Variants in FBRSL1 observed in about 807,000 individuals in gnomAD.
FBRSL1 encodes fibrosin-1-like protein.
Under a neutral mutation model 89.6 loss-of-function variants are expected in FBRSL1, and 51 were observed. The observed-to-expected ratio is 0.57, with a 90% confidence interval of 0.45 to 0.72. The LOEUF is 0.72. Ranked by LOEUF, FBRSL1 falls within the 30% of genes least tolerant of loss-of-function variation. The pLI, the probability that FBRSL1 is intolerant of heterozygous loss-of-function variation, is 0.00. For synonymous variants in FBRSL1, 779 were observed against 681.1 expected (o/e 1.14, Z -2.24); for missense variants, 1,618 against 1,451.8 (o/e 1.11, Z -1.86).
intron 9 of FBRSL1, chr12:132,571,637 GC>G: frequency 1.3e-6 from 1 of 754,138 alleles, no homozygotes; most frequent in East Asian, 4.1e-5. Context: ...GAGGTGGGGG[GC>G]CGGCGGCACC....
chr12:132,544,942 C>T (rs2037562110), intron 4 of FBRSL1, among the ~76,000 whole-genome samples: 1 of 152,194 alleles, frequency 6.6e-6, no homozygotes, highest in South Asian at 2.1e-4. Context: ...TGCCTTAGTG[C>T]TTTGCACATA....
intron 1 of FBRSL1, among the ~76,000 whole-genome samples, chr12:132,493,278 C>T (rs1276322103): frequency 1.3e-5 from 2 of 152,254 alleles, no homozygotes; most frequent in Non-Finnish European, 2.9e-5. Context: ...TCTGCCCCCA[C>T]CCGCGTCTTG....
intron 2 of FBRSL1, among the ~76,000 whole-genome samples, chr12:132,519,010 C>T (rs531408315): frequency 3.3e-5 from 5 of 152,404 alleles, no homozygotes; most frequent in African/African-American, 1.2e-4. Flanking sequence ...TCCATCCACC[C>T]ATCTGAATCA....
At chr12:132,510,882 G>C in intron 2 of FBRSL1, 1 of 1,017,908 alleles carries the variant, frequency 9.8e-7, no homozygotes. Flanking sequence ...GCATCTCTGA[G>C]TCTACGTGCA....
chr12:132,570,770 C>T lies in FBRSL1; in HGVS notation c.1213+230C>T, dbSNP rs1007594800. On this transcript the variant is annotated intron_variant, in intron 8 of 18. Coordinates refer to ENST00000680143, the MANE Select transcript of FBRSL1 (RefSeq NM_001367871.1). ...ACACGTGCCCATGCACGTACAGACG[C>T]GTGTTCACACTGAGACGGGCGCACG... 8.7e-4 allele frequency among the ~76,000 whole-genome samples: 132 copies of T among 152,322 alleles called. 1 individual carries two copies. The highest frequency in any genetic ancestry group is 3.0e-3 in the African/African-American group (126 of 41,574).
intron 1 of FBRSL1, among the ~76,000 whole-genome samples, chr12:132,492,626 C>G (rs1328252111): frequency 6.6e-6 from 1 of 152,256 alleles, no homozygotes; most frequent in East Asian, 1.9e-4. Flanking sequence ...CTCTGACTGG[C>G]TGTCCACCTG....
chr12:132,507,416 G>T, intron 1 of FBRSL1: 2 of 985,658 alleles, frequency 2.0e-6, no homozygotes, highest in Non-Finnish European at 2.4e-6. Context: ...ATCGAGTGTG[G>T]AGGTGGGGAC....
rs1042327909 is a variant in FBRSL1, at chr12:132,570,148, A to G, written c.914A>G (p.Gln305Arg). 20 of 1,480,262 alleles carry G rather than the reference A, an allele frequency of 1.4e-5. No homozygotes were observed. The highest frequency in any genetic ancestry group is 1.6e-5 in the Non-Finnish European group (18 of 1,125,338). 91.7% of individuals were successfully genotyped at this position (1,480,262 alleles called of 1,614,324 possible). ...HRHTPQPPPP[Q>R]PRGLLPTHVP... ...CACACCCCGCAGCCGCCACCCCCGC[A>G]GCCCCGCGGCCTGCTCCCGACACAC... The change falls in exon 7 of 19, where the codon CAG becomes CGG. Residue 305 changes from glutamine to arginine, a missense_variant. Gln to Arg is a conservative substitution (Grantham distance 43, BLOSUM62 1). Coordinates refer to ENST00000680143, the MANE Select transcript of FBRSL1 (RefSeq NM_001367871.1).
intron 2 of FBRSL1, chr12:132,511,927 G>A: frequency 1.0e-6 from 1 of 981,986 alleles, no homozygotes; most frequent in Non-Finnish European, 1.2e-6. Flanking sequence ...AAAATAAAAA[G>A]TGCCGTGCCA....
At chr12:132,582,859 C>A in intron 18 of FBRSL1, 112 bp from the exon 19 acceptor site, 2 of 862,896 alleles carry the variant, frequency 2.3e-6, no homozygotes, top group African/African-American at 1.8e-5. Flanking sequence ...GCTGAGGGGT[C>A]ACCGGCCACC....
At chr12:132,507,985 G>T (rs144898154) in intron 1 of FBRSL1, among the ~76,000 whole-genome samples, 168 bp from the exon 2 acceptor site, 15 of 152,190 alleles carry the variant, frequency 9.9e-5, no homozygotes, top group African/African-American at 3.4e-4. Context: ...ACCTGCCATC[G>T]TCCTTCCCCT....
Position 132,583,947 on chromosome 12 carries a change from G to A in FBRSL1, c.*169G>A, listed in dbSNP as rs187215075. On this transcript the variant is annotated 3_prime_UTR_variant, in exon 19 of 19. Transcript: ENST00000680143. ...TCGGCTTTTCTGAGGGTGATCTTTT[G>A]TTTTCCGAGTTTGGGATTCGGCTGT... 3,118 of 302,310 alleles carry A rather than the reference G, an allele frequency of 0.01. 21 individuals carry two copies. The highest frequency in any genetic ancestry group is 0.013 in the Non-Finnish European group (2,237 of 167,538). The allele number at this position is 302,310 out of a possible 1,614,324, so 18.7% of individuals were successfully genotyped here.
chr12:132,528,817 A>G (rs987486541), intron 4 of FBRSL1, among the ~76,000 whole-genome samples: 2 of 148,966 alleles, frequency 1.3e-5, no homozygotes, highest in African/African-American at 2.5e-5. Flanking sequence ...CCCCGTGGGT[A>G]CACGGGTGTG....
intron 2 of FBRSL1, among the ~76,000 whole-genome samples, chr12:132,514,840 T>C (rs2034691625): frequency 6.6e-6 from 1 of 152,234 alleles, no homozygotes; most frequent in Non-Finnish European, 1.5e-5. Context: ...AAATTCATTT[T>C]AATGAAGTAT....
intron 13 of FBRSL1, 39 bp downstream of exon 13, chr12:132,574,387 T>C (rs2137982229): frequency 1.3e-6 from 2 of 1,549,662 alleles, no homozygotes; most frequent in Non-Finnish European, 1.7e-6. Context: ...AAGGGAGGAC[T>C]CTGGTGCCCC....
In FBRSL1 at chr12:132,490,343, A is replaced by G. The variant is rs866321270; in HGVS notation, c.-228A>G. On this transcript the variant is annotated 5_prime_UTR_variant, in exon 1 of 19. The change abolishes an upstream ATG in the 5' untranslated region. Coordinates refer to ENST00000680143, the MANE Select transcript of FBRSL1 (RefSeq NM_001367871.1). ...CTGAGCGCCGGGCCCGCCCCCGCCG[A>G]TGCGCCCAGCCGCCCGCGCCGGGGG... 2.2e-3 allele frequency: 322 copies of G among 144,324 alleles called. No homozygotes were observed. The highest frequency in any genetic ancestry group is 8.0e-3 in the Middle Eastern group (2 of 250). 8.9% of individuals were successfully genotyped at this position (144,324 alleles called of 1,614,324 possible).
intron 1 of FBRSL1, among the ~76,000 whole-genome samples, chr12:132,495,311 T>G (rs1425815980): frequency 6.6e-6 from 1 of 152,226 alleles, no homozygotes; most frequent in African/African-American, 2.4e-5. Context: ...GGGGCGGGGC[T>G]GGGCCCGGCC....
rs1448567550 is a variant in FBRSL1, at chr12:132,583,155, A to G, written c.2386A>G (p.Met796Val). 7 of 1,463,518 alleles carry G rather than the reference A, an allele frequency of 4.8e-6. No individual in the cohort carries two copies. Among genetic ancestry groups the G allele is most frequent in the African/African-American group, 4.4e-5 (3 of 67,514 alleles). The allele number at this position is 1,463,518 out of a possible 1,614,324, so 90.7% of individuals were successfully genotyped here. A position where few individuals can be genotyped will look rare whatever the true frequency, so the allele number is the denominator to read the frequency against. ...CCCGGCCAAGGAGGAGGCCGCCAAGATGCCCGCGCGCGCATCCCCGCCCCA... is the reference window on the plus strand; with the variant it reads ...CCCGGCCAAGGAGGAGGCCGCCAAGGTGCCCGCGCGCGCATCCCCGCCCCA... ...RSPAKEEAAKMPARASPPHSK... is the reference protein window; with the variant it reads ...RSPAKEEAAKVPARASPPHSK... Residue 796 changes from methionine to valine, a missense_variant, in exon 19 of 19, where the codon ATG (methionine) becomes GTG (valine). Met to Val is a conservative substitution (Grantham distance 21, BLOSUM62 1). Coordinates refer to ENST00000680143, the MANE Select transcript of FBRSL1 (RefSeq NM_001367871.1).
rs745951720 is a variant in FBRSL1 at position 132,571,520 on chromosome 12, C to T, written c.1377+289C>T. On this transcript the variant is annotated intron_variant, in intron 9 of 18. Coordinates refer to ENST00000680143, the MANE Select transcript of FBRSL1 (RefSeq NM_001367871.1). ...CCCCCGACGCCGCCCGCCGCACCCC[C>T]GCCGGTGCGTAGGCCCGCGTGCTGG... is the stretch of plus-strand genomic sequence containing the variant. 9.3e-5 allele frequency: 143 copies of T among 1,533,520 alleles called. No individual in the cohort carries two copies. Among genetic ancestry groups the T allele is most frequent in the Non-Finnish European group, 1.1e-4 (126 of 1,137,788 alleles). The allele number at this position is 1,533,520 out of a possible 1,614,324, so 95.0% of individuals were successfully genotyped here. A position where few individuals can be genotyped will look rare whatever the true frequency, so the allele number is the denominator to read the frequency against.
Sources: allele counts gnomAD v4.1 joint callset (sites outside exome capture counted in the v4.1 genomes callset), GRCh38; gene constraint gnomAD v4.1.1; transcripts MANE v1.5; gene names NCBI Gene and HGNC (gene_info 2026-07-23, HGNC 2026-07-21).